UTRN: variants seen among roughly 807,000 people sequenced by gnomAD.
UTRN encodes the protein utrophin, also known as dystrophin-related protein 1.
UTRN carries 283 observed loss-of-function variants against 463.9 expected under a neutral mutation model. The observed-to-expected ratio is 0.61, with a 90% CI of 0.55 to 0.67. The LOEUF is 0.67. Among genes scored for constraint, UTRN ranks in the 30% least tolerant of loss-of-function variants. UTRN has a pLI of 0.00. For synonymous variants in UTRN, 1,442 were observed against 1,431.5 expected, an observed-to-expected ratio of 1.01 and a Z score of -0.17; for missense variants, 3,922 against 4,084.3, an observed-to-expected ratio of 0.96 and a Z score of 1.08.
intron 30 of UTRN, among the ~76,000 whole-genome samples, 187 bp downstream of exon 30, chr6:144,489,021 T>A (rs936698026): frequency 2.3e-5 from 3 of 131,866 alleles, no homozygotes; most frequent in African/African-American, 9.9e-5. Context: ...GCAAAAGTCT[T>A]ATATAGTTTA....
intron 65 of UTRN, among the ~76,000 whole-genome samples, chr6:144,819,679 C>T (rs1480811411): frequency 2.6e-5 from 4 of 151,860 alleles, no homozygotes; most frequent in Non-Finnish European, 2.9e-5. Flanking sequence ...GGCAACAGAG[C>T]GAGACTCTGT....
chr6:144,434,587 A>G (rs1431273848), intron 9 of UTRN, among the ~76,000 whole-genome samples: 2 of 152,142 alleles, frequency 1.3e-5, no homozygotes, highest in Non-Finnish European at 2.9e-5. Context: ...TGAAGTAGAG[A>G]TGTGAAAATA....
At position 144,500,769 on chromosome 6, in the gene UTRN, C is replaced by T. The variant is rs540092797; in HGVS notation, c.4764+1342C>T. ...TCTTTAACCCTGTACTTTGAAATCA[C>T]AGAGATTAGAAAGTTGATTTGCTGG... On this transcript the variant is annotated intron_variant, in intron 34 of 74. Coordinates refer to ENST00000367545, the MANE Select transcript of UTRN (RefSeq NM_007124.3). Among the ~76,000 whole-genome samples the T allele has an allele frequency of 1.2e-4, 18 of 152,272 alleles. No homozygotes were observed. The South Asian group carries it at 3.5e-3, about 30-fold the overall frequency.
intron 34 of UTRN, among the ~76,000 whole-genome samples, chr6:144,505,962 G>T (rs1794658925): frequency 6.6e-6 from 1 of 152,140 alleles, no homozygotes; most frequent in Admixed American, 6.5e-5. Context: ...ATATATTTAG[G>T]ATAGTTAGCT....
At chr6:144,546,140 G>A (rs891144011) in intron 46 of UTRN, among the ~76,000 whole-genome samples, 1 of 152,214 alleles carries the variant, frequency 6.6e-6, no homozygotes, top group Non-Finnish European at 1.5e-5. Context: ...GCAGAAGGAT[G>A]TGTGAGATAT....
At chr6:144,682,951 G>A (rs1245770786) in intron 52 of UTRN, among the ~76,000 whole-genome samples, 1 of 152,088 alleles carries the variant, frequency 6.6e-6, no homozygotes, top group Non-Finnish European at 1.5e-5. Flanking sequence ...TCTACCCTAT[G>A]TTTTTCTCTC....
chr6:144,340,113 G>C (rs1239567550), intron 2 of UTRN, among the ~76,000 whole-genome samples: 3 of 152,186 alleles, frequency 2.0e-5, no homozygotes, highest in African/African-American at 7.2e-5. Flanking sequence ...GTTGCAGTGA[G>C]CTGAGATCAC....
intron 51 of UTRN, among the ~76,000 whole-genome samples, chr6:144,654,968 A>G (rs549200777): frequency 8.7e-5 from 13 of 150,128 alleles, no homozygotes; most frequent in Admixed American, 1.3e-4. Flanking sequence ...TTGAATGTCT[A>G]TTGGAATCTT....
chr6:144,358,445 T>A (rs1402211955), intron 2 of UTRN, among the ~76,000 whole-genome samples: 1 of 152,224 alleles, frequency 6.6e-6, no homozygotes, highest in Non-Finnish European at 1.5e-5. Flanking sequence ...ATGAAATAAG[T>A]AAAATACAGA....
intron 50 of UTRN, among the ~76,000 whole-genome samples, chr6:144,564,514 A>G (rs1055078890): frequency 1.3e-5 from 2 of 152,178 alleles, no homozygotes; most frequent in East Asian, 3.8e-4. Context: ...ACTGCCATAA[A>G]GAACTGCCTG....
chr6:144,833,237 A>G (rs77610701), intron 69 of UTRN, among the ~76,000 whole-genome samples: 161 of 152,134 alleles, frequency 1.1e-3, no homozygotes, highest in African/African-American at 3.7e-3. Context: ...TCTTTCTTTC[A>G]TATGCTATGT....
chr6:144,651,516 C>T (rs1778814297), intron 51 of UTRN, among the ~76,000 whole-genome samples: 1 of 152,004 alleles, frequency 6.6e-6, no homozygotes, highest in African/African-American at 2.4e-5. Context: ...CTTTTTTATC[C>T]CATGAAATAT....
intron 2 of UTRN, among the ~76,000 whole-genome samples, chr6:144,342,978 G>C (rs1002317964): frequency 1.5e-5 from 2 of 132,620 alleles, no homozygotes; most frequent in African/African-American, 8.1e-5. Context: ...CTGAGGCTTA[G>C]AGAGAGAGAG....
At chr6:144,385,236 A>G (rs1411733421) in intron 2 of UTRN, among the ~76,000 whole-genome samples, 2 of 152,192 alleles carry the variant, frequency 1.3e-5, no homozygotes, top group African/African-American at 4.8e-5. Context: ...AGAGAACGTT[A>G]TCCTTCCTTT....
At chr6:144,821,455 T>A in intron 66 of UTRN, among the ~76,000 whole-genome samples, 1 of 152,146 alleles carries the variant, frequency 6.6e-6, no homozygotes, top group African/African-American at 2.4e-5. Context: ...TAATACTTAA[T>A]CTGTTGATTC....
intron 42 of UTRN, among the ~76,000 whole-genome samples, chr6:144,531,678 A>G (rs1031469401): frequency 6.6e-6 from 1 of 152,208 alleles, no homozygotes; most frequent in Non-Finnish European, 1.5e-5. Context: ...AATATAACAC[A>G]AAGTTAGTTC....
intron 51 of UTRN, among the ~76,000 whole-genome samples, chr6:144,597,268 T>C (rs1268228016): frequency 6.6e-6 from 1 of 151,054 alleles, no homozygotes; most frequent in Admixed American, 6.6e-5. Flanking sequence ...TTAACTTACC[T>C]GGCAATAAAC....
rs190419821 is a variant in UTRN at position 144,743,691 on chromosome 6, T to C, written c.7940-4555T>C. Among the ~76,000 whole-genome samples the C allele has an allele frequency of 4.6e-5, 7 of 152,268 alleles. No homozygotes were observed. The East Asian group carries it at 1.4e-3, about 29-fold the overall frequency. ...GTTTTTCACCTGCATTCTAGGGAAG[T>C]GTATTATAGTCTTCTTCCTCATGGT... On this transcript the variant is annotated intron_variant, in intron 54 of 74. Transcript: ENST00000367545.
intron 34 of UTRN, among the ~76,000 whole-genome samples, chr6:144,501,165 G>A (rs1422537130): frequency 6.6e-6 from 1 of 152,218 alleles, no homozygotes; most frequent in East Asian, 1.9e-4. Context: ...CATGCCATGA[G>A]CAGTGTGAGT....
Sources: allele counts gnomAD v4.1 joint callset (sites outside exome capture counted in the v4.1 genomes callset), GRCh38; gene constraint gnomAD v4.1.1; transcripts MANE v1.5; gene names NCBI Gene and HGNC (gene_info 2026-07-23, HGNC 2026-07-21).